The following TAOK3 variants were observed in gnomAD, a reference collection of about 807,000 sequenced individuals.
The protein encoded by TAOK3 is TAO kinase 3.
In TAOK3, 40 loss-of-function variants were observed where a neutral mutation model predicts 120.4. The observed-to-expected ratio is 0.33, with a 90% CI of 0.26 to 0.43. The LOEUF is 0.43. Ranked by LOEUF, TAOK3 falls within the 20% of genes least tolerant of loss-of-function variation. The pLI, the probability that TAOK3 is intolerant of heterozygous loss-of-function variation, is 1.00. For synonymous variants in TAOK3, 355 were observed against 387.5 expected (o/e 0.92, Z 0.99); for missense variants, 821 against 1,112.1 (o/e 0.74, Z 3.72).
At chr12:118,327,485 G>A (rs1198018227) in intron 1 of TAOK3, among the ~76,000 whole-genome samples, 2 of 152,156 alleles carry the variant, frequency 1.3e-5, no homozygotes, top group African/African-American at 4.8e-5. Flanking sequence ...AATAATAATA[G>A]TGAAGGAAAA....
chr12:118,189,683 G>C (rs1479448174), intron 14 of TAOK3, 124 bp downstream of exon 14: 1 of 1,189,776 alleles, frequency 8.4e-7, no homozygotes, highest in Non-Finnish European at 1.2e-6. Context: ...TATTAGGAGA[G>C]AGAAAACATT....
At chr12:118,318,041 C>T (rs1046858560) in intron 1 of TAOK3, among the ~76,000 whole-genome samples, 8 of 152,166 alleles carry the variant, frequency 5.3e-5, no homozygotes, top group Admixed American at 1.3e-4. Flanking sequence ...CCAAATGGTA[C>T]TGGGATAACT....
At chr12:118,311,633 A>T (rs1312239277) in intron 1 of TAOK3, among the ~76,000 whole-genome samples, 1 of 124,708 alleles carries the variant, frequency 8.0e-6, no homozygotes, top group Non-Finnish European at 2.0e-5. Context: ...TTTTTTTTTA[A>T]AAACAGCATT....
chr12:118,272,337 G>A (rs2140327981), intron 1 of TAOK3, among the ~76,000 whole-genome samples: 1 of 149,688 alleles, frequency 6.7e-6, no homozygotes, highest in African/African-American at 2.4e-5. Context: ...AAGAACACTT[G>A]ATAGAGAGTA....
intron 1 of TAOK3, among the ~76,000 whole-genome samples, chr12:118,346,484 G>A (rs2044866666): frequency 6.6e-6 from 1 of 152,116 alleles, no homozygotes; most frequent in Non-Finnish European, 1.5e-5. Context: ...ACAAAATATT[G>A]TTTTGGGGCA....
At chr12:118,221,982 G>A (rs536429702) in intron 9 of TAOK3, among the ~76,000 whole-genome samples, 3 of 151,690 alleles carry the variant, frequency 2.0e-5, no homozygotes, top group Non-Finnish European at 4.4e-5. Context: ...GCATACAAAC[G>A]TTGAGCTAGC....
chr12:118,229,246 G>A (rs575926158), intron 9 of TAOK3, among the ~76,000 whole-genome samples: 9 of 151,924 alleles, frequency 5.9e-5, no homozygotes, highest in Non-Finnish European at 8.8e-5. Context: ...GATTATAGGC[G>A]TGCATCACCA....
intron 1 of TAOK3, among the ~76,000 whole-genome samples, chr12:118,356,449 A>C (rs1210821555): frequency 1.3e-5 from 2 of 151,582 alleles, no homozygotes; most frequent in Non-Finnish European, 2.9e-5. Context: ...ACAGACTTAC[A>C]CCACCACGCC....
chr12:118,315,246 A>T (rs930363249), intron 1 of TAOK3, among the ~76,000 whole-genome samples: 1 of 147,702 alleles, frequency 6.8e-6, no homozygotes. Flanking sequence ...ATAATGGTAA[A>T]AAATGAGTAA....
rs117292111 is a variant in TAOK3, at chr12:118,323,659, T to C, written c.-194+48989A>G. On this transcript the variant is annotated intron_variant, in intron 1 of 20. Coordinates refer to ENST00000392533, the MANE Select transcript of TAOK3 (RefSeq NM_016281.4). Reference sequence around the variant, plus strand: ...TCAAATAGAATAGGATAGGTATATATGTACTGACCTTATATAAATATATTA... The same window carrying C: ...TCAAATAGAATAGGATAGGTATATACGTACTGACCTTATATAAATATATTA... Among the ~76,000 whole-genome samples the C allele has an allele frequency of 1.7e-3, 261 of 152,280 alleles. 4 individuals are homozygous for C. The East Asian group carries it at 0.023, about 13-fold the overall frequency.
intron 9 of TAOK3, among the ~76,000 whole-genome samples, chr12:118,229,564 T>G (rs2039668355): frequency 6.6e-6 from 1 of 152,194 alleles, no homozygotes; most frequent in African/African-American, 2.4e-5. Context: ...AGTTATGATA[T>G]TTATCATTAT....
chr12:118,195,888 A>G (rs1303071195), intron 13 of TAOK3, among the ~76,000 whole-genome samples: 1 of 151,974 alleles, frequency 6.6e-6, no homozygotes, highest in African/African-American at 2.4e-5. Context: ...GTCTCTACTA[A>G]AAATACAAAA....
Position 118,160,250 on chromosome 12 carries a change from G to A in TAOK3, c.2248C>T (p.His750Tyr). The change falls in exon 19 of 21, where the codon CAC becomes TAC. Residue 750 changes from histidine (H) to tyrosine (Y), a missense_variant. Physicochemically the swap from His to Tyr is moderately conservative, Grantham distance 83. Coordinates refer to ENST00000392533, the MANE Select transcript of TAOK3 (RefSeq NM_016281.4). This position sits in a 1 kb window ranked among gnomAD's most constrained non-coding sequence, Gnocchi z 4.2. Reference protein sequence around the residue: ...HQLEVTPKNEHKTILKTLKDE... With the variant: ...HQLEVTPKNEYKTILKTLKDE... ...TTCAGTGTCTTTAAGATTGTTTTGT[G>A]CTCATTCTTTGGAGTAACTTCCAAC... The A allele has an allele frequency of 1.2e-6, 2 of 1,614,092 alleles. No individual in the cohort carries two copies. The highest frequency in any genetic ancestry group is 1.7e-6 in the Non-Finnish European group (2 of 1,179,976).
chr12:118,182,626 T>TA (rs2036833291), intron 14 of TAOK3, among the ~76,000 whole-genome samples: 1 of 138,184 alleles, frequency 7.2e-6, no homozygotes, highest in African/African-American at 2.8e-5. Context: ...TATATATATT[T>TA]TTTTTTTTTT....
chr12:118,168,753 G>C (rs1339398965), intron 17 of TAOK3, among the ~76,000 whole-genome samples: 1 of 152,114 alleles, frequency 6.6e-6, no homozygotes, highest in Admixed American at 6.5e-5. Flanking sequence ...TTTTTAGGGA[G>C]TAATTATCTT....
chr12:118,369,344 T>C (rs865967996), intron 1 of TAOK3, among the ~76,000 whole-genome samples: 42 of 152,338 alleles, frequency 2.8e-4, no homozygotes, highest in African/African-American at 1.0e-3. Context: ...AATGAAGTTA[T>C]TATAGGCCTT....
chr12:118,219,247 A>T (rs764198896), intron 9 of TAOK3, among the ~76,000 whole-genome samples: 13 of 151,950 alleles, frequency 8.6e-5, no homozygotes, highest in Non-Finnish European at 1.6e-4. Flanking sequence ...TTATCTGGGT[A>T]CATCTTTTTG....
rs138698388 is a variant in TAOK3 at position 118,263,830 on chromosome 12, C to T, written c.-89+2825G>A. 6.9e-3 allele frequency among the ~76,000 whole-genome samples: 1,048 copies of T among 152,240 alleles called. 19 individuals are homozygous for T. Among genetic ancestry groups the T allele is most frequent in the African/African-American group, 0.023 (966 of 41,540 alleles). ...CCTGTAATCCCAGCACTTTGGGAGG[C>T]GGAGGTGGGTGGATCACCTGAGGTC... On this transcript the variant is annotated intron_variant, in intron 2 of 20. Transcript: ENST00000392533.
intron 17 of TAOK3, among the ~76,000 whole-genome samples, chr12:118,171,840 C>T (rs2036014567): frequency 6.6e-6 from 1 of 152,218 alleles, no homozygotes; most frequent in Non-Finnish European, 1.5e-5. Context: ...TCTGGTCACA[C>T]TCATCTTTTC....
Sources: allele counts gnomAD v4.1 joint callset (sites outside exome capture counted in the v4.1 genomes callset), GRCh38; gene constraint gnomAD v4.1.1; non-coding constraint Gnocchi (gnomAD v3.1); transcripts MANE v1.5; gene names NCBI Gene and HGNC (gene_info 2026-07-23, HGNC 2026-07-21).